The following HSPA14 variants were observed in gnomAD, a reference collection of about 807,000 sequenced individuals.
HSPA14 encodes the protein heat shock protein family A (Hsp70) member 14, also known as heat shock 70 kDa protein 14.
HSPA14 carries 37 observed loss-of-function variants against 65.5 expected under a neutral mutation model. The observed-to-expected ratio is 0.56, with a 90% CI of 0.43 to 0.74. The LOEUF is 0.74. Ranked by LOEUF, HSPA14 falls within the 30% of genes least tolerant of loss-of-function variation. The pLI, the probability that HSPA14 is intolerant of heterozygous loss-of-function variation, is 0.00. For synonymous variants in HSPA14, 203 were observed against 214.2 expected (o/e 0.95, Z 0.46); for missense variants, 564 against 607.6 (o/e 0.93, Z 0.75).
chr10:14,870,784 G>A (rs892483397), intron 13 of HSPA14, 117 bp downstream of exon 13: 2 of 958,300 alleles, frequency 2.1e-6, no homozygotes, highest in Admixed American at 3.8e-5. Context: ...ACCTACAGAG[G>A]TTTTTATCAG....
intron 8 of HSPA14, among the ~76,000 whole-genome samples, chr10:14,853,716 T>A (rs1564323100): frequency 6.6e-6 from 1 of 152,036 alleles, no homozygotes; most frequent in Non-Finnish European, 1.5e-5. Flanking sequence ...CACTAATTTA[T>A]TTTATTTATT....
chr10:14,848,548 CTT>C (rs1198925896), intron 3 of HSPA14, 59 bp from the exon 4 acceptor site: 2 of 1,260,502 alleles, frequency 1.6e-6, no homozygotes, highest in Admixed American at 1.9e-5. Context: ...CTTCTCTAAA[CTT>C]TATATATCTA....
chr10:14,847,308 G>GT (rs1454149312), intron 3 of HSPA14, among the ~76,000 whole-genome samples: 2 of 152,172 alleles, frequency 1.3e-5, no homozygotes, highest in East Asian at 1.9e-4. Context: ...AACAGAACTA[G>GT]TAAGTGTCAT....
At position 14,854,225 on chromosome 10, in the gene HSPA14, A is replaced by C; in HGVS notation, c.835A>C (p.Asn279His). 1 of 1,613,766 alleles carries C rather than the reference A, an allele frequency of 6.2e-7. No homozygotes were observed. Among genetic ancestry groups the C allele is most frequent in the Non-Finnish European group, 8.5e-7 (1 of 1,179,872 alleles). Residue 279 changes from asparagine to histidine, a missense_variant, in exon 9 of 14, where the codon AAC becomes CAC. Physicochemically the swap from Asn to His is moderately conservative, Grantham distance 68. Transcript: ENST00000378372. ...KHSLSTLGSA[N>H]CFLDSLYEGQ... is the part of the protein sequence containing the mutation. ...TTCTTTGTCAACCTTGGGAAGTGCCAACTGTTTTCTTGACTCATTATATGA... is the reference window on the plus strand; with the variant it reads ...TTCTTTGTCAACCTTGGGAAGTGCCCACTGTTTTCTTGACTCATTATATGA...
intron 10 of HSPA14, among the ~76,000 whole-genome samples, chr10:14,862,827 A>G (rs1234570559): frequency 6.6e-6 from 1 of 151,960 alleles, no homozygotes; most frequent in Admixed American, 6.6e-5. Flanking sequence ...CCACAGGCAC[A>G]TGCCACCACA....
chr10:14,847,111 C>A, intron 3 of HSPA14: 1 of 787,844 alleles, frequency 1.3e-6, no homozygotes, highest in Non-Finnish European at 1.5e-6. Context: ...GCCCTCGGAG[C>A]TATATGTGCT....
intron 10 of HSPA14, among the ~76,000 whole-genome samples, chr10:14,866,406 G>T (rs900733904): frequency 2.0e-5 from 3 of 152,124 alleles, no homozygotes; most frequent in African/African-American, 7.2e-5. Flanking sequence ...AATAGGAAGT[G>T]GCTATTGATT....
chr10:14,840,749 A>G (rs1833962735), intron 3 of HSPA14, among the ~76,000 whole-genome samples: 1 of 152,248 alleles, frequency 6.6e-6, no homozygotes, highest in Admixed American at 6.5e-5. Flanking sequence ...GATTGCTATA[A>G]TAATTAGGGG....
chr10:14,858,815 T>C (rs571838922), intron 10 of HSPA14, among the ~76,000 whole-genome samples: 2 of 152,284 alleles, frequency 1.3e-5, no homozygotes, highest in South Asian at 2.1e-4. Context: ...CATTTTCAGA[T>C]GAGGAAACTA....
chr10:14,862,030 ATTTTT>A (rs140405636), intron 10 of HSPA14, among the ~76,000 whole-genome samples: 7 of 133,722 alleles, frequency 5.2e-5, no homozygotes, highest in African/African-American at 1.7e-4. Context: ...AAAGAAATAG[ATTTTT>A]TTTTTTTTTT....
intron 3 of HSPA14, among the ~76,000 whole-genome samples, chr10:14,848,149 T>C (rs1292347238): frequency 6.6e-6 from 1 of 152,226 alleles, no homozygotes; most frequent in African/African-American, 2.4e-5. Flanking sequence ...ACAACATTCA[T>C]AGTTTTGCTC....
chr10:14,870,584 C>A lies in HSPA14; in HGVS notation c.1381-13C>A, dbSNP rs754035733. ...GATGCTGAATTCTCTTCATATTGTT[C>A]TTGTATAAACAGGTTGTACTCCAGG... On this transcript the variant is annotated splice_polypyrimidine_tract_variant and intron_variant, in intron 12 of 13. Coordinates refer to ENST00000378372, the MANE Select transcript of HSPA14 (RefSeq NM_016299.4). 20 of 1,577,348 alleles carry A rather than the reference C, an allele frequency of 1.3e-5. No homozygotes were observed. In the East Asian group the frequency reaches 4.6e-4, roughly 36 times the overall value.
intron 7 of HSPA14, 82 bp downstream of exon 7, chr10:14,851,405 T>C: frequency 1.2e-6 from 1 of 817,062 alleles, no homozygotes; most frequent in African/African-American, 1.7e-5. Flanking sequence ...TAAAGATTAT[T>C]ATGTAATGCA....
chr10:14,845,935 G>A, intron 3 of HSPA14: 1 of 786,862 alleles, frequency 1.3e-6, no homozygotes, highest in Non-Finnish European at 1.5e-6. Context: ...GTACCTTCCA[G>A]CTCTAAAAAA....
intron 3 of HSPA14, chr10:14,843,759 T>C (rs1439096433): frequency 6.5e-7 from 1 of 1,536,462 alleles, no homozygotes; most frequent in Non-Finnish European, 8.7e-7. Flanking sequence ...CTCAGCAAGA[T>C]ACTGCCAATG....
chr10:14,865,398 A>G (rs1161908455), intron 10 of HSPA14, among the ~76,000 whole-genome samples: 1 of 151,992 alleles, frequency 6.6e-6, no homozygotes, highest in Non-Finnish European at 1.5e-5. Flanking sequence ...GTCCTTGCCC[A>G]TGCCTATGTC....
intron 9 of HSPA14, 60 bp downstream of exon 9, chr10:14,854,340 T>C: frequency 7.3e-7 from 1 of 1,366,908 alleles, no homozygotes; most frequent in Non-Finnish European, 1.0e-6. Context: ...TGTTTAGGTA[T>C]AATTTTCTTA....
intron 3 of HSPA14, chr10:14,844,260 A>G: frequency 1.8e-6 from 2 of 1,085,180 alleles, no homozygotes; most frequent in Non-Finnish European, 2.3e-6. Flanking sequence ...TGTGAGGATC[A>G]CGTAGTTCAT....
In HSPA14 at chr10:14,852,392, G is replaced by A; in HGVS notation, c.595G>A (p.Gly199Arg). The change falls in exon 8 of 14, where the codon GGA (glycine) becomes AGA (arginine). Residue 199 changes from glycine (G) to arginine (R), a missense_variant. By Grantham distance (125) the Gly-to-Arg change is moderately radical (BLOSUM62 -2). Coordinates refer to ENST00000378372, the MANE Select transcript of HSPA14 (RefSeq NM_016299.4). ...AAGCAATATTTTGGTGTTTAAGCTT[G>A]GAGGAACATCCTTATCTCTCAGCGT... ...GKSNILVFKL[G>R]GTSLSLSVME... The A allele has an allele frequency of 6.2e-7, 1 of 1,613,236 alleles. No individual in the cohort carries two copies. Among genetic ancestry groups the A allele is most frequent in the Non-Finnish European group, 8.5e-7 (1 of 1,179,586 alleles).
Sources: gnomAD v4.1 joint callset for allele counts (sites outside exome capture counted in the v4.1 genomes callset) on GRCh38, gnomAD v4.1.1 for gene constraint, MANE v1.5 for transcripts, NCBI Gene and HGNC (gene_info 2026-07-23, HGNC 2026-07-21) for gene names.